Variants in PTBP3 observed in about 807,000 individuals in gnomAD.
PTBP3 encodes the protein polypyrimidine tract binding protein 3, also known as polypyrimidine tract-binding protein 3.
Under a neutral mutation model 58.7 loss-of-function variants are expected in PTBP3, and 20 were observed. The observed-to-expected ratio is 0.34, with a 90% CI of 0.24 to 0.50. The LOEUF (loss-of-function observed/expected upper bound fraction) is 0.50, where lower values mean the gene tolerates loss of function less well. PTBP3 is among the 20% of genes least tolerant of loss of function. The pLI is 0.98. For missense variants in PTBP3, 509 were observed against 637.2 expected (o/e 0.80, Z 2.17); for synonymous variants, 185 against 219.8 (o/e 0.84, Z 1.40).
chr9:112,273,007 A>G (rs1827455036), intron 3 of PTBP3, among the ~76,000 whole-genome samples: 1 of 152,248 alleles, frequency 6.6e-6, no homozygotes, highest in Admixed American at 6.5e-5. Context: ...ATGTTTCCAC[A>G]TAAAGTCTAG....
rs58071863 is a variant in PTBP3, at chr9:112,308,351, TAAA to T, written c.-51-10438_-51-10436del. Among the ~76,000 whole-genome samples, 466 of 135,032 alleles carry T rather than the reference TAAA, an allele frequency of 3.5e-3. 2 individuals are homozygous for T. The highest frequency in any genetic ancestry group is 0.016 in the East Asian group (67 of 4,108). The allele number at this position is 135,032 out of a possible 152,430, so 88.6% of individuals were successfully genotyped here. On this transcript the variant is annotated intron_variant, in intron 1 of 13. Coordinates refer to ENST00000374257, the MANE Select transcript of PTBP3 (RefSeq NM_001163788.4). ...CAATGTTAAACCTACTCCTTTTATT[TAAA>T]AAAAAAAAAAAAAAAAAAAAAAAAA... is the stretch of plus-strand genomic sequence containing the variant.
chr9:112,243,174 G>A (rs1040698677), intron 7 of PTBP3, among the ~76,000 whole-genome samples: 2 of 147,108 alleles, frequency 1.4e-5, no homozygotes, highest in Non-Finnish European at 3.0e-5. Flanking sequence ...TACTCTAAAT[G>A]CTTTCTTTTC....
intron 2 of PTBP3, chr9:112,281,171 C>T (rs995791507): frequency 5.7e-6 from 1 of 175,432 alleles, no homozygotes; most frequent in Non-Finnish European, 1.2e-5. Flanking sequence ...TAATCTCTAT[C>T]ATTTAGAATT....
the PTBP3 span, among the ~76,000 whole-genome samples, chr9:112,340,622 C>G: frequency 6.6e-6 from 1 of 152,194 alleles, no homozygotes; most frequent in Admixed American, 6.5e-5. Context: ...GTGGCTCACG[C>G]CTGTAATCCC....
Position 112,228,478 on chromosome 9 carries a change from T to C in PTBP3, c.1055-6A>G, listed in dbSNP as rs767754536. On this transcript the variant is annotated splice_region_variant and splice_polypyrimidine_tract_variant and intron_variant, in intron 10 of 13. Coordinates refer to ENST00000374257, the MANE Select transcript of PTBP3 (RefSeq NM_001163788.4). ...ATGTACATCACCATAGACTCCTAAT[T>C]AAAACAAAACAAAACACTGTGTTTA... The C allele has an allele frequency of 6.4e-7, 1 of 1,552,342 alleles. No individual in the cohort carries two copies. Among genetic ancestry groups the C allele is most frequent in the Non-Finnish European group, 8.7e-7 (1 of 1,143,848 alleles).
At chr9:112,292,124 G>T (rs1828460489) in intron 2 of PTBP3, among the ~76,000 whole-genome samples, 1 of 152,166 alleles carries the variant, frequency 6.6e-6, no homozygotes. Flanking sequence ...TAAAGGACTT[G>T]AATAGACATT....
chr9:112,296,524 G>A (rs1828696890), intron 2 of PTBP3, among the ~76,000 whole-genome samples: 1 of 152,020 alleles, frequency 6.6e-6, no homozygotes, highest in Admixed American at 6.6e-5. Flanking sequence ...TGGAAAAGGA[G>A]GTCCATTCAT....
At chr9:112,248,770 TC>T (rs1408698790) in intron 7 of PTBP3, among the ~76,000 whole-genome samples, 2 of 152,174 alleles carry the variant, frequency 1.3e-5, no homozygotes, top group African/African-American at 4.8e-5. Context: ...ACCCAACAAT[TC>T]CTTTCCTATG....
chr9:112,373,665 C>T, the PTBP3 span, among the ~76,000 whole-genome samples: 5 of 152,142 alleles, frequency 3.3e-5, no homozygotes, highest in South Asian at 2.1e-4. Context: ...ATCAGAATTC[C>T]GCCTAACATA....
At chr9:112,274,616 C>G (rs992362892) in intron 3 of PTBP3, among the ~76,000 whole-genome samples, 4 of 152,154 alleles carry the variant, frequency 2.6e-5, no homozygotes, top group Admixed American at 1.3e-4. Context: ...TAACCTGTTA[C>G]CTTCTCAAAT....
chr9:112,233,655 G>A (rs1413092322), intron 8 of PTBP3, among the ~76,000 whole-genome samples: 2 of 152,094 alleles, frequency 1.3e-5, no homozygotes, highest in Non-Finnish European at 2.9e-5. Context: ...TTATTGGCCA[G>A]GTGCAGTGGC....
At position 112,223,541 on chromosome 9, in the gene PTBP3, C is replaced by T. The variant is rs1229028868; in HGVS notation, c.*310G>A. On this transcript the variant is annotated 3_prime_UTR_variant, in exon 14 of 14. Transcript: ENST00000374257. ...CTGATCTGGACCCAAACTAAAACAA[C>T]GTTAATCCTCTTCAAATCTAATTTA... The T allele has an allele frequency of 1.3e-5, 13 of 985,248 alleles. No individual in the cohort carries two copies. The highest frequency in any genetic ancestry group is 9.8e-5 in the South Asian group (3 of 30,700). The allele number at this position is 985,248 out of a possible 1,614,324, so 61.0% of individuals were successfully genotyped here.
chr9:112,277,417 GACT>G (rs869058123), intron 2 of PTBP3, among the ~76,000 whole-genome samples: 1 of 151,934 alleles, frequency 6.6e-6, no homozygotes, highest in East Asian at 1.9e-4. Context: ...CCTCCAAAAT[GACT>G]ACTGATTATA....
In PTBP3 at chr9:112,234,431, T is replaced by C. The variant is rs182146398; in HGVS notation, c.880+389A>G. ...TATTTGTTGAGTACTGTCAAAGGCA[T>C]TGAAGGCCCAAAGATAAGACAGGTC... On this transcript the variant is annotated intron_variant, in intron 8 of 13. Coordinates refer to ENST00000374257, the MANE Select transcript of PTBP3 (RefSeq NM_001163788.4). 1.4e-3 allele frequency among the ~76,000 whole-genome samples: 207 copies of C among 152,316 alleles called. 4 individuals are homozygous for C. In the East Asian group the frequency reaches 0.034, roughly 25 times the overall value.
At chr9:112,300,440 A>C (rs2132326006) in intron 1 of PTBP3, among the ~76,000 whole-genome samples, 1 of 152,362 alleles carries the variant, frequency 6.6e-6, no homozygotes, top group South Asian at 2.1e-4. Context: ...CATAACACAG[A>C]TAAATCTCAC....
intron 1 of PTBP3, among the ~76,000 whole-genome samples, chr9:112,325,599 T>TAAAAAAA (rs56025050): frequency 6.9e-6 from 1 of 144,490 alleles, no homozygotes; most frequent in Non-Finnish European, 1.5e-5. Flanking sequence ...TCACAGAAAT[T>TAAAAAAA]AAAAAAAAAA....
chr9:112,240,553 AATT>A (rs1411485656), intron 7 of PTBP3, among the ~76,000 whole-genome samples: 1 of 151,402 alleles, frequency 6.6e-6, no homozygotes, highest in African/African-American at 2.4e-5. Flanking sequence ...GATAATAAAG[AATT>A]ATGTTATTGG....
intron 2 of PTBP3, among the ~76,000 whole-genome samples, chr9:112,287,128 T>C (rs1327558682): frequency 6.6e-6 from 1 of 152,166 alleles, no homozygotes; most frequent in Non-Finnish European, 1.5e-5. Context: ...TGGTTTCCGT[T>C]GTGTTTATCC....
intron 2 of PTBP3, among the ~76,000 whole-genome samples, chr9:112,280,808 T>A (rs1454685269): frequency 6.6e-6 from 1 of 150,962 alleles, no homozygotes; most frequent in Non-Finnish European, 1.5e-5. Context: ...TATAGTGATT[T>A]TTTTTTAGTT....
Sources: allele counts gnomAD v4.1 joint callset (sites outside exome capture counted in the v4.1 genomes callset), GRCh38; gene constraint gnomAD v4.1.1; transcripts MANE v1.5; gene names NCBI Gene and HGNC (gene_info 2026-07-23, HGNC 2026-07-21).